Variants in RNF8 observed in about 807,000 individuals in gnomAD.
RNF8 encodes E3 ubiquitin-protein ligase RNF8.
Under a neutral mutation model 59.3 loss-of-function variants are expected in RNF8, and 8 were observed. The observed-to-expected ratio is 0.13, with a 90% CI of 0.08 to 0.24. The LOEUF is 0.24. Among genes scored for constraint, RNF8 ranks in the 10% least tolerant of loss-of-function variants. RNF8 has a pLI of 1.00. For synonymous variants in RNF8, 162 were observed against 200.0 expected (o/e 0.81, Z 1.60); for missense variants, 406 against 572.6 (o/e 0.71, Z 2.97).
At chr6:37,387,903 TAC>T (rs1395744465) in intron 7 of RNF8, among the ~76,000 whole-genome samples, 1 of 152,148 alleles carries the variant, frequency 6.6e-6, no homozygotes, top group Non-Finnish European at 1.5e-5. Flanking sequence ...CTGAGAGAAG[TAC>T]AGAGTGCTAG....
chr6:37,358,195 C>G (rs1040898883), intron 1 of RNF8, among the ~76,000 whole-genome samples: 1 of 152,032 alleles, frequency 6.6e-6, no homozygotes, highest in Admixed American at 6.6e-5. Context: ...GGAACAACAA[C>G]AACAAAAAAG....
intron 7 of RNF8, among the ~76,000 whole-genome samples, chr6:37,383,347 C>T (rs1291376307): frequency 2.0e-5 from 3 of 152,218 alleles, no homozygotes; most frequent in Non-Finnish European, 2.9e-5. Context: ...TAAATACCAA[C>T]CTTCCTTCCA....
rs1581698311 is a variant in RNF8, at chr6:37,385,406, A to G, written c.1441+4052A>G. On this transcript the variant is annotated intron_variant, in intron 7 of 7. Transcript: ENST00000373479. Reference sequence around the variant, plus strand: ...ACTTTGGGAGGCTGAGGGGGCGTGGATCATGAGGTCAGGAGTTTGAGACCA... The same window carrying G: ...ACTTTGGGAGGCTGAGGGGGCGTGGGTCATGAGGTCAGGAGTTTGAGACCA... Among the ~76,000 whole-genome samples the G allele has an allele frequency of 2.0e-5, 3 of 151,178 alleles. No individual in the cohort carries two copies. The South Asian group carries it at 6.3e-4, about 32-fold the overall frequency.
rs1769265623 is a variant in RNF8, at chr6:37,360,321, G to T, written c.112-125G>T. ...AGGAGATAGCTGATGCACTGTTTTG[G>T]TTCCACAGGTGTCTGGTTTCTTAAG... On this transcript the variant is annotated intron_variant, in intron 1 of 7. Coordinates refer to ENST00000373479, the MANE Select transcript of RNF8 (RefSeq NM_003958.4). The surrounding 1 kb of genome is among the most constrained non-coding windows in gnomAD (Gnocchi z 4.2). 6.3e-6 allele frequency: 7 copies of T among 1,115,252 alleles called. No homozygotes were observed. Among genetic ancestry groups the T allele is most frequent in the Non-Finnish European group, 9.3e-6 (7 of 752,296 alleles). The allele number at this position is 1,115,252 out of a possible 1,614,324, so 69.1% of individuals were successfully genotyped here.
At chr6:37,382,669 T>C (rs1770322349) in intron 7 of RNF8, among the ~76,000 whole-genome samples, 2 of 151,962 alleles carry the variant, frequency 1.3e-5, no homozygotes, top group African/African-American at 4.8e-5. Flanking sequence ...GCATGGCAAA[T>C]GGCTTCACAA....
chr6:37,368,283 A>G, intron 2 of RNF8: 1 of 1,224,330 alleles, frequency 8.2e-7, no homozygotes, highest in Non-Finnish European at 1.1e-6. Context: ...GGAGGCATGA[A>G]TGTGAAATAT....
Position 37,381,403 on chromosome 6 carries a change from T to C in RNF8, c.1441+49T>C, listed in dbSNP as rs749413373. 2.0e-6 allele frequency: 3 copies of C among 1,511,078 alleles called. No homozygotes were observed. The Admixed American group carries it at 5.4e-5, about 27-fold the overall frequency. 93.6% of individuals were successfully genotyped at this position (1,511,078 alleles called of 1,614,324 possible). On this transcript the variant is annotated intron_variant, in intron 7 of 7. Transcript: ENST00000373479. Reference sequence around the variant, plus strand: ...CCCCTCAAGAAAGGACTTATTTACTTCCAAACTTCAACAAATATTTTTGGA... The same window carrying C: ...CCCCTCAAGAAAGGACTTATTTACTCCCAAACTTCAACAAATATTTTTGGA...
At chr6:37,363,609 T>C (rs978367869) in intron 2 of RNF8, among the ~76,000 whole-genome samples, 40 of 152,230 alleles carry the variant, frequency 2.6e-4, no homozygotes, top group African/African-American at 9.4e-4. Flanking sequence ...AGACTAGTGA[T>C]GCCAGGTATT....
chr6:37,367,028 C>T (rs1468776236), intron 2 of RNF8, among the ~76,000 whole-genome samples: 3 of 152,208 alleles, frequency 2.0e-5, no homozygotes, highest in Non-Finnish European at 2.9e-5. Context: ...CTGCTGAAAG[C>T]TTTCATGTCC....
At chr6:37,357,270 C>G (rs1769156582) in intron 1 of RNF8, among the ~76,000 whole-genome samples, 1 of 152,198 alleles carries the variant, frequency 6.6e-6, no homozygotes, top group Non-Finnish European at 1.5e-5. Flanking sequence ...GGTAACCTCA[C>G]TGCACTCTTT....
At chr6:37,361,445 T>C (rs1769320019) in intron 2 of RNF8, 2 of 435,278 alleles carry the variant, frequency 4.6e-6, no homozygotes, top group Non-Finnish European at 4.6e-6. Context: ...GAATAGCCAC[T>C]GCACTCCAGT....
intron 7 of RNF8, among the ~76,000 whole-genome samples, chr6:37,382,970 C>CT (rs1448258245): frequency 6.9e-6 from 1 of 145,048 alleles, no homozygotes; most frequent in Non-Finnish European, 1.5e-5. Context: ...GGGACTCTGT[C>CT]TCAAAAAAAA....
intron 3 of RNF8, chr6:37,369,882 A>C (rs1449771432): frequency 6.6e-6 from 1 of 152,398 alleles, no homozygotes; most frequent in Non-Finnish European, 1.5e-5. Flanking sequence ...AAGGTAAAAT[A>C]ATGACTGTCT....
At position 37,394,596 on chromosome 6, in the gene RNF8, C is replaced by G. The variant is rs1770810243; in HGVS notation, c.*3838C>G. The G allele has an allele frequency of 6.6e-6, 1 of 152,158 alleles. No individual in the cohort carries two copies. Among genetic ancestry groups the G allele is most frequent in the African/African-American group, 2.4e-5 (1 of 41,424 alleles). 9.4% of individuals were successfully genotyped at this position (152,158 alleles called of 1,614,324 possible). ...CTGCTTGCTGCTGCTTTACTACATT[C>G]CAGATGCCCACCTCATCCAATTTCC... On this transcript the variant is annotated 3_prime_UTR_variant, in exon 8 of 8. Transcript: ENST00000373479.
rs1478014455 is a variant in RNF8 at position 37,391,065 on chromosome 6, G to C, written c.*307G>C. On this transcript the variant is annotated 3_prime_UTR_variant, in exon 8 of 8. Coordinates refer to ENST00000373479, the MANE Select transcript of RNF8 (RefSeq NM_003958.4). ...TTCTGTTTTTTTTTAATTTGTTGTT[G>C]TTGTTACTGTTTTGATACCTCGGAA... The C allele has an allele frequency of 7.4e-6, 4 of 543,312 alleles. No individual in the cohort carries two copies. Among genetic ancestry groups the C allele is most frequent in the Non-Finnish European group, 1.3e-5 (4 of 305,394 alleles). 33.7% of individuals were successfully genotyped at this position (543,312 alleles called of 1,614,324 possible).
In RNF8 at chr6:37,393,513, T is replaced by G. The variant is rs968539512; in HGVS notation, c.*2755T>G. On this transcript the variant is annotated 3_prime_UTR_variant, in exon 8 of 8. Coordinates refer to ENST00000373479, the MANE Select transcript of RNF8 (RefSeq NM_003958.4). ...ACAGCTGAGCCCCAGTGCTGTGCAG[T>G]CTGACTCTAATTAAAGGCACCTTCT... The G allele has an allele frequency of 6.6e-6, 1 of 152,222 alleles. No individual in the cohort carries two copies. Among genetic ancestry groups the G allele is most frequent in the African/African-American group, 2.4e-5 (1 of 41,456 alleles). 9.4% of individuals were successfully genotyped at this position (152,222 alleles called of 1,614,324 possible). A position where few individuals can be genotyped will look rare whatever the true frequency, so the allele number is the denominator to read the frequency against.
At chr6:37,382,624 C>A (rs1396489968) in intron 7 of RNF8, among the ~76,000 whole-genome samples, 1 of 152,116 alleles carries the variant, frequency 6.6e-6, no homozygotes, top group African/African-American at 2.4e-5. Flanking sequence ...TTTCTTCGCC[C>A]AGTCTACCAC....
chr6:37,357,737 C>A (rs181315433), intron 1 of RNF8, among the ~76,000 whole-genome samples: 2 of 152,312 alleles, frequency 1.3e-5, no homozygotes, highest in East Asian at 3.9e-4. Context: ...CCAACTGCTG[C>A]TCCATATTTT....
At position 37,360,993 on chromosome 6, in the gene RNF8, CCTCA is replaced by C. The variant is rs1489465846; in HGVS notation, c.240+423_240+426del. Among the ~76,000 whole-genome samples the C allele has an allele frequency of 3.3e-5, 5 of 152,256 alleles. No individual in the cohort carries two copies. The East Asian group carries it at 9.6e-4, about 29-fold the overall frequency. On this transcript the variant is annotated intron_variant, in intron 2 of 7. Transcript: ENST00000373479. This position sits in a 1 kb window ranked among gnomAD's most constrained non-coding sequence, Gnocchi z 4.2. Reference sequence around the variant, plus strand: ...CTGATTGCGCTTAGCTCCTTTCCTTCCTCACTCCTTTCAATCTGAGCAACCTCCC... The same window carrying C: ...CTGATTGCGCTTAGCTCCTTTCCTTCCTCCTTTCAATCTGAGCAACCTCCC...
Sources: allele counts gnomAD v4.1 joint callset (sites outside exome capture counted in the v4.1 genomes callset), GRCh38; gene constraint gnomAD v4.1.1; non-coding constraint Gnocchi (gnomAD v3.1); transcripts MANE v1.5; gene names NCBI Gene and HGNC (gene_info 2026-07-23, HGNC 2026-07-21).